Variants in ARL15 observed in about 807,000 individuals in gnomAD.
The protein encoded by ARL15 is ARF like GTPase 15.
A neutral mutation model predicts 25.2 loss-of-function variants in ARL15; 19 were observed. That is an observed-to-expected ratio of 0.75 (90% CI 0.53 to 1.10). The LOEUF (loss-of-function observed/expected upper bound fraction) is 1.10, where lower values mean the gene tolerates loss of function less well. Among genes scored for constraint, ARL15 ranks in the 50% least tolerant of loss-of-function variants. The pLI is 0.00. For missense variants in ARL15, 220 were observed against 246.0 expected, an observed-to-expected ratio of 0.89 and a Z score of 0.71; for synonymous variants, 94 against 86.8, an observed-to-expected ratio of 1.08 and a Z score of -0.46.
chr5:54,252,972 G>A (rs371299376), intron 1 of ARL15, among the ~76,000 whole-genome samples: 1 of 151,798 alleles, frequency 6.6e-6, no homozygotes, highest in East Asian at 1.9e-4. Context: ...TGATCCACCC[G>A]CCTTAGCCTC....
chr5:54,172,837 C>A (rs1223440635), intron 1 of ARL15, among the ~76,000 whole-genome samples: 2 of 152,098 alleles, frequency 1.3e-5, no homozygotes, highest in African/African-American at 4.8e-5. Context: ...CATACCACTG[C>A]CTTTCTGGCC....
In ARL15 at chr5:54,113,348, C is replaced by T; in HGVS notation, c.316G>A (p.Val106Ile). ...YYQGSQGVIF[V>I]LDSASSEDDL... Reference sequence around the variant, plus strand: ...TCCTCTGAAGAGGCACTGTCTAATACAAATATTACCCCTTGAGATCCTTGG... The same window carrying T: ...TCCTCTGAAGAGGCACTGTCTAATATAAATATTACCCCTTGAGATCCTTGG... The change falls in exon 4 of 5, where the codon GTA (valine) becomes ATA (isoleucine). Residue 106 changes from valine (V) to isoleucine (I), a missense_variant. Physicochemically the swap from Val to Ile is conservative, Grantham distance 29. Transcript: ENST00000504924. 1 of 1,613,970 alleles carries T rather than the reference C, an allele frequency of 6.2e-7. No homozygotes were observed. The highest frequency in any genetic ancestry group is 8.5e-7 in the Non-Finnish European group (1 of 1,179,874).
intron 4 of ARL15, among the ~76,000 whole-genome samples, chr5:53,995,761 T>G (rs7718193): frequency 0.27 from 41,405 of 152,052 alleles, 5,839 homozygotes; most frequent in East Asian, 0.46. Flanking sequence ...TCCTGGCCCC[T>G]GCCCACAAAA....
intron 1 of ARL15, among the ~76,000 whole-genome samples, chr5:54,230,356 A>G (rs13354162): frequency 0.018 from 2,793 of 151,158 alleles, 110 homozygotes; most frequent in African/African-American, 0.064. Context: ...GAAAAAAAAA[A>G]AAAAAAGAAA....
At chr5:53,908,680 G>T (rs1745353326) in intron 4 of ARL15, among the ~76,000 whole-genome samples, 2 of 152,160 alleles carry the variant, frequency 1.3e-5, no homozygotes, top group Non-Finnish European at 2.9e-5. Flanking sequence ...CTTGTATTCA[G>T]ATTTTCAAAA....
At chr5:54,031,005 T>TA (rs1428146931) in intron 4 of ARL15, among the ~76,000 whole-genome samples, 2 of 152,126 alleles carry the variant, frequency 1.3e-5, no homozygotes, top group East Asian at 1.9e-4. Flanking sequence ...AGCACATACT[T>TA]AGAGTCTGCT....
intron 4 of ARL15, among the ~76,000 whole-genome samples, chr5:53,963,057 T>A (rs1747424153): frequency 6.6e-6 from 1 of 152,142 alleles, no homozygotes; most frequent in South Asian, 2.1e-4. Flanking sequence ...TATTACCCCA[T>A]TATTAACAGT....
intron 1 of ARL15, among the ~76,000 whole-genome samples, chr5:54,285,895 C>T (rs1350400130): frequency 6.6e-6 from 1 of 152,112 alleles, no homozygotes; most frequent in African/African-American, 2.4e-5. Context: ...CATGGGAACG[C>T]TAAAGTGCCG....
chr5:54,104,342 A>G (rs185174960), intron 4 of ARL15, among the ~76,000 whole-genome samples: 25 of 152,324 alleles, frequency 1.6e-4, no homozygotes, highest in Admixed American at 1.4e-3. Context: ...CATGTCACTA[A>G]TGCCTTACTG....
In ARL15 at chr5:54,058,020, T is replaced by TTTATTTA. The variant is rs1416953489; in HGVS notation, c.462+55181_462+55182insTAAATAA. 8.0e-5 allele frequency among the ~76,000 whole-genome samples: 12 copies of TTTATTTA among 150,410 alleles called. 1 individual carries two copies. Among genetic ancestry groups the TTTATTTA allele is most frequent in the South Asian group, 2.1e-4 (1 of 4,788 alleles). Reference sequence around the variant, plus strand: ...TATTTATTTATTTATTTATTTATTTTTTTTGACAAAGTCTCGCTCTTGTTC... The same window carrying TTTATTTA: ...TATTTATTTATTTATTTATTTATTTTTTATTTATTTTGACAAAGTCTCGCTCTTGTTC... On this transcript the variant is annotated intron_variant, in intron 4 of 4. Transcript: ENST00000504924.
chr5:54,081,394 T>C (rs1751791354), intron 4 of ARL15, among the ~76,000 whole-genome samples: 1 of 152,150 alleles, frequency 6.6e-6, no homozygotes, highest in Non-Finnish European at 1.5e-5. Flanking sequence ...AAACAGTCCC[T>C]TACCACCGCT....
intron 3 of ARL15, among the ~76,000 whole-genome samples, chr5:54,131,348 C>T (rs1223026880): frequency 1.3e-5 from 2 of 152,096 alleles, no homozygotes; most frequent in Non-Finnish European, 2.9e-5. Context: ...CCCCTTACAC[C>T]CTTCATGCTT....
intron 4 of ARL15, among the ~76,000 whole-genome samples, chr5:54,005,830 C>G (rs1486711902): frequency 1.3e-5 from 2 of 149,872 alleles, no homozygotes; most frequent in East Asian, 2.0e-4. Context: ...CCACTGCACT[C>G]TAGCCTGGGT....
chr5:53,885,233 A>T lies in ARL15; in HGVS notation c.*1328T>A, dbSNP rs1368920418. On this transcript the variant is annotated 3_prime_UTR_variant, in exon 5 of 5. Transcript: ENST00000504924. The stretch of plus-strand genomic sequence containing the variant: ...GAGCAGTTTTTTTTATCATTTGGCC[A>T]CTTAGTATTTTAAGTGGTCAAAGTC... The T allele has an allele frequency of 6.6e-6, 1 of 152,532 alleles. No homozygotes were observed. The highest frequency in any genetic ancestry group is 1.5e-5 in the Non-Finnish European group (1 of 68,012). The allele number at this position is 152,532 out of a possible 1,614,324, so 9.4% of individuals were successfully genotyped here.
chr5:54,023,442 T>C (rs1401685383), intron 4 of ARL15, among the ~76,000 whole-genome samples: 3 of 152,048 alleles, frequency 2.0e-5, no homozygotes, highest in Non-Finnish European at 4.4e-5. Flanking sequence ...ACTTAAGCTC[T>C]AGACTTTCGA....
chr5:54,139,554 A>G (rs1177194035), intron 3 of ARL15, among the ~76,000 whole-genome samples: 1 of 152,170 alleles, frequency 6.6e-6, no homozygotes, highest in African/African-American at 2.4e-5. Flanking sequence ...AAAACAACAT[A>G]TTGGTTACAA....
At chr5:54,235,215 C>T (rs1405255102) in intron 1 of ARL15, among the ~76,000 whole-genome samples, 1 of 152,068 alleles carries the variant, frequency 6.6e-6, no homozygotes, top group African/African-American at 2.4e-5. Flanking sequence ...GGATAAGAAC[C>T]AATGCTTGGG....
Position 54,310,517 on chromosome 5 carries a change from G to GA in ARL15, c.-39dup, listed in dbSNP as rs749966628. 562 of 1,499,126 alleles carry GA rather than the reference G, an allele frequency of 3.7e-4. No homozygotes were observed. Among genetic ancestry groups the GA allele is most frequent in the East Asian group, 7.8e-4 (31 of 39,948 alleles). The allele number at this position is 1,499,126 out of a possible 1,614,324, so 92.9% of individuals were successfully genotyped here. ...AGCATCCGGAACGGCTCCGAACCCG[G>GA]AAAAAAAAAGCAGCGTCTCTGGCTG... On this transcript the variant is annotated 5_prime_UTR_variant, in exon 1 of 5. Coordinates refer to ENST00000504924, the MANE Select transcript of ARL15 (RefSeq NM_019087.3).
intron 4 of ARL15, among the ~76,000 whole-genome samples, chr5:53,962,240 G>T (rs183567748): frequency 6.6e-6 from 1 of 152,112 alleles, no homozygotes; most frequent in East Asian, 1.9e-4. Flanking sequence ...TAATCAACAG[G>T]TACATAAAAT....
Sources: gnomAD v4.1 joint callset for allele counts (sites outside exome capture counted in the v4.1 genomes callset) on GRCh38, gnomAD v4.1.1 for gene constraint, MANE v1.5 for transcripts, NCBI Gene and HGNC (gene_info 2026-07-23, HGNC 2026-07-21) for gene names.